The following STAT5A variants were observed in gnomAD, a reference collection of about 807,000 sequenced individuals.
STAT5A encodes the protein signal transducer and activator of transcription 5A.
STAT5A carries 26 observed loss-of-function variants against 100.2 expected under a neutral mutation model. The ratio of observed to expected loss-of-function variants is 0.26; its 90% CI spans 0.19 to 0.36. The LOEUF (loss-of-function observed/expected upper bound fraction) is 0.36. Among genes scored for constraint, STAT5A ranks in the 10% least tolerant of loss-of-function variants. The probability of loss-of-function intolerance (pLI) is 1.00; values close to 1 mark genes in which losing one functional copy is unlikely to be tolerated. For missense variants in STAT5A, 634 were observed against 1,027.5 expected, an observed-to-expected ratio of 0.62 and a Z score of 5.24; for synonymous variants, 330 against 424.3, an observed-to-expected ratio of 0.78 and a Z score of 2.73.
At chr17:42,293,706 A>T (rs1342954764) in intron 4 of STAT5A, among the ~76,000 whole-genome samples, 2 of 152,190 alleles carry the variant, frequency 1.3e-5, no homozygotes, top group Non-Finnish European at 2.9e-5. Flanking sequence ...AAAGCACCCA[A>T]CTCAGATTGG....
chr17:42,298,350 AG>A (rs1485086298), intron 5 of STAT5A, among the ~76,000 whole-genome samples: 3 of 150,590 alleles, frequency 2.0e-5, no homozygotes, highest in Non-Finnish European at 4.4e-5. Flanking sequence ...TAGTAGAGAC[AG>A]GGTCTTGCCA....
At position 42,310,675 on chromosome 17, in the gene STAT5A, T is replaced by A; in HGVS notation, c.*6T>A. On this transcript the variant is annotated 3_prime_UTR_variant, in exon 19 of 19. Transcript: ENST00000590949. ...CCAGAGGCTCCCTCTCATGAATGTTTGAATCCCACGCTTCTCTTTGGAAAC... is the reference window on the plus strand; with the variant it reads ...CCAGAGGCTCCCTCTCATGAATGTTAGAATCCCACGCTTCTCTTTGGAAAC... The A allele has an allele frequency of 1.9e-6, 3 of 1,614,034 alleles. No individual in the cohort carries two copies. The highest frequency in any genetic ancestry group is 2.5e-6 in the Non-Finnish European group (3 of 1,179,956).
Position 42,291,991 on chromosome 17 carries a change from C to G in STAT5A, c.305C>G (p.Pro102Arg). ...TTTCAGAAAACATATGACCGCTGCC[C>G]CCTGGAGCTGGTCCGCTGCATCCGG... ...TQLQKTYDRCPLELVRCIRHI... is the reference protein window; with the variant it reads ...TQLQKTYDRCRLELVRCIRHI... The change falls in exon 4 of 19, where the codon CCC (proline) becomes CGC (arginine). Residue 102 changes from proline to arginine, a missense_variant. Physicochemically the swap from Pro to Arg is moderately radical, Grantham distance 103 (BLOSUM62 -2). This residue lies in a region of STAT5A where 207 missense variants were observed against 256.6 expected (regional missense o/e 0.81). Coordinates refer to ENST00000590949, the MANE Select transcript of STAT5A (RefSeq NM_001288718.2). 6.2e-7 allele frequency: 1 copy of G among 1,613,870 alleles called. No homozygotes were observed. Among genetic ancestry groups the G allele is most frequent in the South Asian group, 1.1e-5 (1 of 91,074 alleles).
At chr17:42,293,585 G>T (rs566952308) in intron 4 of STAT5A, among the ~76,000 whole-genome samples, 2 of 152,346 alleles carry the variant, frequency 1.3e-5, no homozygotes, top group African/African-American at 4.8e-5. Flanking sequence ...TGTGTCCGAT[G>T]CTGGGCTATC....
chr17:42,292,772 G>T (rs2080883206), intron 4 of STAT5A, among the ~76,000 whole-genome samples: 1 of 151,906 alleles, frequency 6.6e-6, no homozygotes, highest in Non-Finnish European at 1.5e-5. Flanking sequence ...GATTACAGGT[G>T]CCCACCACCA....
intron 2 of STAT5A, 38 bp from the exon 3 acceptor site, chr17:42,289,828 G>T: frequency 6.8e-7 from 1 of 1,477,450 alleles, no homozygotes. Context: ...GCCCAAGGAG[G>T]TGCCACAGTA....
chr17:42,300,704 C>T lies in STAT5A; in HGVS notation c.834-11C>T. 6.2e-7 allele frequency: 1 copy of T among 1,613,722 alleles called. No homozygotes were observed. The highest frequency in any genetic ancestry group is 1.1e-5 in the South Asian group (1 of 91,058). ...CATTGTCCTCCTGTTGGCCTTGGGG[C>T]TCTCGTGCAGGTGTGAGAAGTTGGC... is the stretch of plus-strand genomic sequence containing the variant. On this transcript the variant is annotated splice_polypyrimidine_tract_variant and intron_variant, in intron 7 of 18. Coordinates refer to ENST00000590949, the MANE Select transcript of STAT5A (RefSeq NM_001288718.2).
At position 42,304,497 on chromosome 17, in the gene STAT5A, C is replaced by T. The variant is rs1375132912; in HGVS notation, c.1258-33C>T. The T allele has an allele frequency of 1.2e-6, 2 of 1,614,174 alleles. No individual in the cohort carries two copies. Among genetic ancestry groups the T allele is most frequent in the Non-Finnish European group, 1.7e-6 (2 of 1,179,990 alleles). Reference sequence around the variant, plus strand: ...CTGAGTCCTTGTAAGCAGCCGCCATCTCCCTGTTCCCCTGTCACCTCCCAC... The same window carrying T: ...CTGAGTCCTTGTAAGCAGCCGCCATTTCCCTGTTCCCCTGTCACCTCCCAC... On this transcript the variant is annotated intron_variant, in intron 10 of 18. Transcript: ENST00000590949. The surrounding 1 kb of genome is among the most constrained non-coding windows in gnomAD (Gnocchi z 4.8).
At chr17:42,307,871 C>A (rs1227095213) in intron 15 of STAT5A, 148 bp downstream of exon 15, 9 of 1,255,514 alleles carry the variant, frequency 7.2e-6, no homozygotes, top group Non-Finnish European at 2.2e-6. Context: ...GAAATGTATT[C>A]TCTTTCTATT....
At position 42,295,720 on chromosome 17, in the gene STAT5A, G is replaced by A; in HGVS notation, c.477G>A (p.Glu159=). ...TGCGACTGGTCACGCAGGACACAGA[G>A]AATGAGCTGAAGAAACTGCAGCAGA... The part of the protein sequence containing the change: ...EELRLVTQDT[E]NELKKLQQTQ... Residue 159 remains glutamate, a synonymous_variant, in exon 5 of 19, where the codon GAG becomes GAA. Coordinates refer to ENST00000590949, the MANE Select transcript of STAT5A (RefSeq NM_001288718.2). 1 of 1,613,904 alleles carries A rather than the reference G, an allele frequency of 6.2e-7. No individual in the cohort carries two copies. Among genetic ancestry groups the A allele is most frequent in the African/African-American group, 1.3e-5 (1 of 75,056 alleles).
At chr17:42,301,854 G>A (rs1169318079) in intron 9 of STAT5A, among the ~76,000 whole-genome samples, 1 of 152,198 alleles carries the variant, frequency 6.6e-6, no homozygotes, top group Admixed American at 6.5e-5. Context: ...CTACTCAGAT[G>A]CCTTCCCTGT....
intron 8 of STAT5A, among the ~76,000 whole-genome samples, 161 bp downstream of exon 8, chr17:42,301,031 G>A (rs903444518): frequency 2.6e-5 from 4 of 152,078 alleles, no homozygotes; most frequent in Non-Finnish European, 4.4e-5. Context: ...CCCTTGCCCA[G>A]TTTCTCCTGT....
chr17:42,304,625 C>T lies in STAT5A; in HGVS notation c.1353C>T (p.Gly451=). ...TVLFESQFSV[G]SNELVFQVKT... is the part of the protein sequence containing the mutation. ...TGTTTGAGTCTCAGTTCAGTGTTGG[C>T]AGCAATGAGCTTGTGTTCCAGGTGA... Residue 451 remains glycine, a synonymous_variant, in exon 11 of 19, where the codon GGC becomes GGT. Coordinates refer to ENST00000590949, the MANE Select transcript of STAT5A (RefSeq NM_001288718.2). The surrounding 1 kb of genome is among the most constrained non-coding windows in gnomAD (Gnocchi z 4.8). The T allele has an allele frequency of 6.2e-7, 1 of 1,614,214 alleles. No homozygotes were observed. The highest frequency in any genetic ancestry group is 8.5e-7 in the Non-Finnish European group (1 of 1,180,032).
At position 42,288,753 on chromosome 17, in the gene STAT5A, C is replaced by G. The variant is rs1439072678; in HGVS notation, c.-11+155C>G. Among the ~76,000 whole-genome samples the G allele has an allele frequency of 1.3e-5, 2 of 152,090 alleles. No homozygotes were observed. The highest frequency in any genetic ancestry group is 4.8e-5 in the African/African-American group (2 of 41,416). ...GAGTTGGCCCAGCGCAGACGAGGGA[C>G]GGGGGGACGTGGGGACAGGGGTCGG... is the stretch of plus-strand genomic sequence containing the variant. On this transcript the variant is annotated intron_variant, in intron 1 of 18. Coordinates refer to ENST00000590949, the MANE Select transcript of STAT5A (RefSeq NM_001288718.2). This position sits in a 1 kb window ranked among gnomAD's most constrained non-coding sequence, Gnocchi z 4.8.
chr17:42,304,391 C>A lies in STAT5A; in HGVS notation c.1219C>A (p.Gln407Lys). ...CAACTGCTGCGTGATGGAGTACCAC[C>A]AAGCCACGGGCACCCTCAGTGCCCA... is the stretch of plus-strand genomic sequence containing the variant. Reference protein sequence around the residue: ...LNNCCVMEYHQATGTLSAHFR... With the variant: ...LNNCCVMEYHKATGTLSAHFR... Residue 407 changes from glutamine (Q) to lysine (K), a missense_variant, in exon 10 of 19, where the codon CAA becomes AAA. Transcript: ENST00000590949. The surrounding 1 kb of genome is among the most constrained non-coding windows in gnomAD (Gnocchi z 4.8). The A allele has an allele frequency of 1.2e-6, 2 of 1,614,214 alleles. No homozygotes were observed. The highest frequency in any genetic ancestry group is 1.7e-6 in the Non-Finnish European group (2 of 1,180,038).
Position 42,297,621 on chromosome 17 carries a change from A to G in STAT5A, c.550+1828A>G, listed in dbSNP as rs535079024. Among the ~76,000 whole-genome samples the G allele has an allele frequency of 4.6e-5, 7 of 151,798 alleles. No homozygotes were observed. In the East Asian group the frequency reaches 9.7e-4, roughly 21 times the overall value. ...TTCCTAAAAGCTTCTGCAAATTTCC[A>G]GGAGAGCCCTAAGTGGGTCCCTTGC... On this transcript the variant is annotated intron_variant, in intron 5 of 18. Coordinates refer to ENST00000590949, the MANE Select transcript of STAT5A (RefSeq NM_001288718.2).
At chr17:42,294,680 C>T (rs920297601) in intron 4 of STAT5A, among the ~76,000 whole-genome samples, 1 of 152,182 alleles carries the variant, frequency 6.6e-6, no homozygotes, top group Non-Finnish European at 1.5e-5. Context: ...TGCAAGGGCC[C>T]CAGGGCAGGA....
rs771571620 is a variant in STAT5A at position 42,309,031 on chromosome 17, G to C, written c.2063-16G>C. ...CCCAGAGACTTTGGTTCTCACCACT[G>C]TTCTTCCCTTGACAGCTAAAGCTGT... On this transcript the variant is annotated splice_polypyrimidine_tract_variant and intron_variant, in intron 16 of 18. Transcript: ENST00000590949. 1 of 1,614,090 alleles carries C rather than the reference G, an allele frequency of 6.2e-7. No homozygotes were observed. Among genetic ancestry groups the C allele is most frequent in the Non-Finnish European group, 8.5e-7 (1 of 1,180,032 alleles).
chr17:42,310,280 C>A (rs1352225234), intron 18 of STAT5A, among the ~76,000 whole-genome samples: 4 of 152,248 alleles, frequency 2.6e-5, no homozygotes. Context: ...GAAATGAATT[C>A]CCTAAGATTA....
Sources: gnomAD v4.1 joint callset for allele counts (sites outside exome capture counted in the v4.1 genomes callset) on GRCh38, gnomAD v4.1.1 for gene constraint, gnomAD v4.1.1 regional missense constraint, Gnocchi (gnomAD v3.1) non-coding constraint, MANE v1.5 for transcripts, NCBI Gene and HGNC (gene_info 2026-07-23, HGNC 2026-07-21) for gene names.